The following GTF2F2 variants were observed in gnomAD, a reference collection of about 807,000 sequenced individuals.
The protein encoded by GTF2F2 is ATP-dependent helicase GTF2F2.
Under a neutral mutation model 42.2 loss-of-function variants are expected in GTF2F2, and 23 were observed. The ratio of observed to expected loss-of-function variants is 0.55; its 90% CI spans 0.39 to 0.77. The LOEUF (loss-of-function observed/expected upper bound fraction) is 0.77. GTF2F2 is among the 30% of genes least tolerant of loss of function. The pLI, the probability that GTF2F2 is intolerant of heterozygous loss-of-function variation, is 0.00. For missense variants in GTF2F2, 261 were observed against 287.2 expected (o/e 0.91, Z 0.66); for synonymous variants, 105 against 100.8 (o/e 1.04, Z -0.25).
intron 4 of GTF2F2, among the ~76,000 whole-genome samples, chr13:45,166,179 AC>A (rs1239323103): frequency 1.3e-5 from 2 of 152,148 alleles, no homozygotes; most frequent in Non-Finnish European, 2.9e-5. Context: ...TCATTATGAT[AC>A]CTAAAAAAAT....
chr13:45,211,759 G>A (rs994953025), intron 5 of GTF2F2, among the ~76,000 whole-genome samples: 3 of 151,356 alleles, frequency 2.0e-5, no homozygotes, highest in African/African-American at 7.3e-5. Flanking sequence ...GGCCAATTTT[G>A]TATTTTTAGG....
intron 5 of GTF2F2, among the ~76,000 whole-genome samples, chr13:45,246,444 T>A (rs184305450): frequency 2.6e-5 from 4 of 152,190 alleles, no homozygotes; most frequent in Non-Finnish European, 4.4e-5. Context: ...GAATCTGTTT[T>A]CAAAATATTT....
chr13:45,235,688 C>G (rs1225512142), intron 5 of GTF2F2, among the ~76,000 whole-genome samples: 2 of 151,952 alleles, frequency 1.3e-5, no homozygotes, highest in African/African-American at 4.8e-5. Flanking sequence ...CTCCCAGGTT[C>G]AAGTGATTCT....
At chr13:45,170,650 G>A (rs1871549038) in intron 4 of GTF2F2, among the ~76,000 whole-genome samples, 1 of 152,142 alleles carries the variant, frequency 6.6e-6, no homozygotes, top group Non-Finnish European at 1.5e-5. Context: ...CTTTGAAGTA[G>A]TTATTCCTGA....
intron 4 of GTF2F2, among the ~76,000 whole-genome samples, chr13:45,161,564 G>T (rs1240295682): frequency 6.6e-6 from 1 of 152,168 alleles, no homozygotes; most frequent in Non-Finnish European, 1.5e-5. Flanking sequence ...TACAGGGGCC[G>T]GGCACCGTGG....
At chr13:45,163,329 A>G (rs999470608) in intron 4 of GTF2F2, among the ~76,000 whole-genome samples, 12 of 152,106 alleles carry the variant, frequency 7.9e-5, no homozygotes, top group African/African-American at 2.9e-4. Context: ...ATTAAAATGT[A>G]AATTACTTCA....
chr13:45,186,764 A>G (rs1872445503), intron 4 of GTF2F2, among the ~76,000 whole-genome samples: 2 of 152,184 alleles, frequency 1.3e-5, no homozygotes, highest in African/African-American at 4.8e-5. Context: ...AACCTTAAAA[A>G]TAGTTAATAA....
intron 4 of GTF2F2, 51 bp from the exon 5 acceptor site, chr13:45,207,373 T>A (rs1222212407): frequency 9.3e-7 from 1 of 1,074,062 alleles, no homozygotes. Context: ...CAAAATACAG[T>A]CTTGAAAATG....
chr13:45,259,629 T>C (rs962905586), intron 6 of GTF2F2, among the ~76,000 whole-genome samples: 2 of 150,270 alleles, frequency 1.3e-5, no homozygotes, highest in Non-Finnish European at 3.0e-5. Context: ...AGGAAACCTC[T>C]TTCTCGCAAA....
intron 3 of GTF2F2, among the ~76,000 whole-genome samples, chr13:45,151,122 TC>T (rs1291387446): frequency 1.3e-5 from 2 of 152,176 alleles, no homozygotes; most frequent in Non-Finnish European, 2.9e-5. Context: ...ACCCTTGGTC[TC>T]CTCTCTCCCT....
At chr13:45,183,960 G>A (rs1872288022) in intron 4 of GTF2F2, among the ~76,000 whole-genome samples, 1 of 151,810 alleles carries the variant, frequency 6.6e-6, no homozygotes, top group Non-Finnish European at 1.5e-5. Flanking sequence ...GGCTCAAGCA[G>A]TTGTCCTGCC....
At chr13:45,203,241 T>A (rs1254414410) in intron 4 of GTF2F2, among the ~76,000 whole-genome samples, 2 of 124,844 alleles carry the variant, frequency 1.6e-5, no homozygotes, top group African/African-American at 3.8e-5. Flanking sequence ...CACGCCCACC[T>A]TTTTTTTTTT....
chr13:45,247,954 C>G (rs1875713909), intron 5 of GTF2F2, among the ~76,000 whole-genome samples: 1 of 152,162 alleles, frequency 6.6e-6, no homozygotes, highest in Admixed American at 6.5e-5. Flanking sequence ...AAGCAATTCT[C>G]CTGCCTCAGC....
chr13:45,246,985 C>T (rs981042040), intron 5 of GTF2F2, among the ~76,000 whole-genome samples: 20 of 150,632 alleles, frequency 1.3e-4, no homozygotes, highest in African/African-American at 4.9e-4. Context: ...TTGCAGTGAG[C>T]CGAGATAAGC....
chr13:45,256,371 A>G (rs1424661380), intron 6 of GTF2F2, among the ~76,000 whole-genome samples: 1 of 152,164 alleles, frequency 6.6e-6, no homozygotes, highest in Non-Finnish European at 1.5e-5. Flanking sequence ...GAATAAAGTA[A>G]GTACAAACAT....
chr13:45,253,048 G>A, intron 6 of GTF2F2, 78 bp downstream of exon 6: 1 of 604,132 alleles, frequency 1.7e-6, no homozygotes, highest in East Asian at 3.2e-5. Flanking sequence ...GGTTTCCAAA[G>A]AACCTGAGAA....
chr13:45,128,696 C>T (rs1404170385), intron 1 of GTF2F2, among the ~76,000 whole-genome samples: 3 of 151,972 alleles, frequency 2.0e-5, no homozygotes, highest in Admixed American at 6.6e-5. Flanking sequence ...TGGGCTCAAA[C>T]GATCCTTCTG....
At chr13:45,181,747 GA>G (rs1872177209) in intron 4 of GTF2F2, among the ~76,000 whole-genome samples, 1 of 152,076 alleles carries the variant, frequency 6.6e-6, no homozygotes, top group South Asian at 2.1e-4. Flanking sequence ...TTTAGGTTGA[GA>G]AAATGTCTCA....
At chr13:45,140,975 T>G (rs1869901579) in intron 2 of GTF2F2, among the ~76,000 whole-genome samples, 1 of 152,248 alleles carries the variant, frequency 6.6e-6, no homozygotes, top group Non-Finnish European at 1.5e-5. Context: ...TTGTAAAATG[T>G]GGATAATAAT....
Sources: allele counts gnomAD v4.1 joint callset (sites outside exome capture counted in the v4.1 genomes callset), GRCh38; gene constraint gnomAD v4.1.1; transcripts MANE v1.5; gene names NCBI Gene and HGNC (gene_info 2026-07-23, HGNC 2026-07-21).